The following ADAM12 variants were observed in gnomAD, a reference collection of about 807,000 sequenced individuals.
ADAM12 encodes the protein disintegrin and metalloproteinase domain-containing protein 12.
In ADAM12, 70 loss-of-function variants were observed where a neutral mutation model predicts 106.4. The observed-to-expected ratio is 0.66, with a 90% CI of 0.54 to 0.80. ADAM12 has a LOEUF of 0.80. Ranked by LOEUF, ADAM12 falls within the 30% of genes least tolerant of loss-of-function variation. The pLI, the probability that ADAM12 is intolerant of heterozygous loss-of-function variation, is 0.00. For synonymous variants in ADAM12, 420 were observed against 433.5 expected (o/e 0.97, Z 0.39); for missense variants, 1,010 against 1,171.9 (o/e 0.86, Z 2.02).
In ADAM12 at chr10:126,053,136, G is replaced by A. The variant is rs888907865; in HGVS notation, c.1610-3467C>T. ...TCCTTCTCTCTCTTGCTCCTGCTCC[G>A]GCCGCGTGATGTGCCTGCTTCTCCT... is the stretch of plus-strand genomic sequence containing the variant. On this transcript the variant is annotated intron_variant, in intron 14 of 22. Coordinates refer to ENST00000448723, the MANE Select transcript of ADAM12 (RefSeq NM_001288973.2). This position sits in a 1 kb window ranked among gnomAD's most constrained non-coding sequence, Gnocchi z 4.6. Among the ~76,000 whole-genome samples, 2 of 152,008 alleles carry A rather than the reference G, an allele frequency of 1.3e-5. No individual in the cohort carries two copies. Among genetic ancestry groups the A allele is most frequent in the African/African-American group, 2.4e-5 (1 of 41,370 alleles).
At position 126,046,237 on chromosome 10, in the gene ADAM12, A is replaced by G. The variant is rs958717644; in HGVS notation, c.1918-105T>C. 7 of 1,015,942 alleles carry G rather than the reference A, an allele frequency of 6.9e-6. No homozygotes were observed. The Admixed American group carries it at 9.1e-5, about 13-fold the overall frequency. The allele number at this position is 1,015,942 out of a possible 1,614,324, so 62.9% of individuals were successfully genotyped here. On this transcript the variant is annotated intron_variant, in intron 16 of 22. Coordinates refer to ENST00000448723, the MANE Select transcript of ADAM12 (RefSeq NM_001288973.2). ...AAAAAGCAAGCAAAAGAAAGCTTGG[A>G]GAAGACCCAACCTTGTCTCAGTTAA...
chr10:126,108,309 A>T (rs960672945), intron 8 of ADAM12, among the ~76,000 whole-genome samples: 1 of 152,266 alleles, frequency 6.6e-6, no homozygotes, highest in African/African-American at 2.4e-5. Context: ...TTCTGGAGCT[A>T]ATCGGGAAGT....
intron 3 of ADAM12, among the ~76,000 whole-genome samples, chr10:126,196,702 A>C (rs888176947): frequency 6.6e-6 from 1 of 152,178 alleles, no homozygotes; most frequent in Non-Finnish European, 1.5e-5. Context: ...TCAGAAATAA[A>C]TTTGTGTAGT....
intron 3 of ADAM12, among the ~76,000 whole-genome samples, chr10:126,188,855 C>T (rs974526649): frequency 1.3e-5 from 2 of 152,106 alleles, no homozygotes; most frequent in Non-Finnish European, 2.9e-5. Context: ...ATCCATAATC[C>T]ATTCATCTAT....
In ADAM12 at chr10:126,190,989, C is replaced by CTTTTTTTTTTTTTTTTTTTTTT. The variant is rs1957488604; in HGVS notation, c.261-35685_261-35684insAAAAAAAAAAAAAAAAAAAAAA. On this transcript the variant is annotated intron_variant, in intron 3 of 22. Coordinates refer to ENST00000448723, the MANE Select transcript of ADAM12 (RefSeq NM_001288973.2). ...TTTGAGTTGCCATGAGGAGTTTTGT[C>CTTTTTTTTTTTTTTTTTTTTTT]CTTTTTTTTTTTTTTTTTTTTTTTT... 1.2e-3 allele frequency among the ~76,000 whole-genome samples: 80 copies of CTTTTTTTTTTTTTTTTTTTTTT among 68,710 alleles called. 40 individuals carry two copies. Among genetic ancestry groups the CTTTTTTTTTTTTTTTTTTTTTT allele is most frequent in the Non-Finnish European group, 1.9e-3 (48 of 25,142 alleles). 45.1% of individuals were successfully genotyped at this position (68,710 alleles called of 152,430 possible). A position where few individuals can be genotyped will look rare whatever the true frequency, so the allele number is the denominator to read the frequency against.
chr10:126,328,281 G>A (rs536358329), intron 2 of ADAM12, among the ~76,000 whole-genome samples: 1 of 152,330 alleles, frequency 6.6e-6, no homozygotes, highest in African/African-American at 2.4e-5. Context: ...AACAGAAAGA[G>A]GCAAGGAGTG....
chr10:126,135,797 G>T, intron 4 of ADAM12, 137 bp from the exon 5 acceptor site: 1 of 771,098 alleles, frequency 1.3e-6, no homozygotes, highest in Admixed American at 2.4e-5. Context: ...AATATTTAAT[G>T]CAAAGCCCAA....
At chr10:126,214,114 T>A (rs1379581863) in intron 3 of ADAM12, among the ~76,000 whole-genome samples, 1 of 152,232 alleles carries the variant, frequency 6.6e-6, no homozygotes, top group Non-Finnish European at 1.5e-5. Flanking sequence ...GTTAGATGAA[T>A]GAGGGTTCAT....
rs376893945 is a variant in ADAM12, at chr10:126,223,731, T to G, written c.260+55184A>C. On this transcript the variant is annotated intron_variant, in intron 3 of 22. Coordinates refer to ENST00000448723, the MANE Select transcript of ADAM12 (RefSeq NM_001288973.2). ...CATGCAGGACAGAAGCACTGTGGCA[T>G]GAAAGAAAATTCTCCACGGTCTTTG... 2.6e-5 allele frequency among the ~76,000 whole-genome samples: 4 copies of G among 152,128 alleles called. No homozygotes were observed. The East Asian group carries it at 7.7e-4, about 29-fold the overall frequency.
chr10:126,278,360 G>A (rs969819675), intron 3 of ADAM12, among the ~76,000 whole-genome samples: 2 of 152,048 alleles, frequency 1.3e-5, no homozygotes, highest in Admixed American at 1.3e-4. Context: ...CACACAAAAT[G>A]TATAATAGTA....
At chr10:126,251,885 A>ATGGGATGAATGG (rs1565168728) in intron 3 of ADAM12, among the ~76,000 whole-genome samples, 3 of 69,116 alleles carry the variant, frequency 4.3e-5, no homozygotes, top group South Asian at 5.1e-4. Context: ...GGATGGATGC[A>ATGGGATGAATGG]ATGGATGGAT....
chr10:126,293,906 G>A lies in ADAM12; in HGVS notation c.187-14918C>T, dbSNP rs116965974. Among the ~76,000 whole-genome samples, 508 of 152,210 alleles carry A rather than the reference G, an allele frequency of 3.3e-3. 9 individuals are homozygous for A. The East Asian group carries it at 0.054, about 16-fold the overall frequency. Reference sequence around the variant, plus strand: ...GGTAGAGCTCTTCTCTCCAATCTCTGCTCTTCTAACTATACTGCCACATTT... The same window carrying A: ...GGTAGAGCTCTTCTCTCCAATCTCTACTCTTCTAACTATACTGCCACATTT... On this transcript the variant is annotated intron_variant, in intron 2 of 22. Transcript: ENST00000448723.
intron 20 of ADAM12, 60 bp downstream of exon 20, chr10:126,038,181 G>T: frequency 1.4e-6 from 2 of 1,407,364 alleles, no homozygotes; most frequent in Non-Finnish European, 2.0e-6. Flanking sequence ...ATTCAGTCTC[G>T]TATTGAAAAC....
intron 3 of ADAM12, among the ~76,000 whole-genome samples, chr10:126,256,754 A>G (rs184770325): frequency 3.9e-5 from 6 of 152,312 alleles, no homozygotes; most frequent in Admixed American, 2.6e-4. Context: ...AAAAGAATGG[A>G]GACAGATGAG....
chr10:126,387,012 C>A (rs1259685036), intron 1 of ADAM12, among the ~76,000 whole-genome samples: 1 of 152,126 alleles, frequency 6.6e-6, no homozygotes, highest in Non-Finnish European at 1.5e-5. Flanking sequence ...GCGGTGGGGG[C>A]GGAGGGCAGC....
intron 1 of ADAM12, among the ~76,000 whole-genome samples, chr10:126,355,298 A>G (rs1855499467): frequency 6.6e-6 from 1 of 152,264 alleles, no homozygotes; most frequent in Non-Finnish European, 1.5e-5. Context: ...AATTCTTCTG[A>G]CAGGCCAAAT....
chr10:126,031,210 A>G (rs1953965710), intron 21 of ADAM12, among the ~76,000 whole-genome samples: 2 of 152,178 alleles, frequency 1.3e-5, no homozygotes, highest in Admixed American at 1.3e-4. Flanking sequence ...AGCTCTCATA[A>G]AACTCAGTTT....
At chr10:126,063,266 C>T (rs1461514859) in intron 14 of ADAM12, among the ~76,000 whole-genome samples, 1 of 152,210 alleles carries the variant, frequency 6.6e-6, no homozygotes, top group Non-Finnish European at 1.5e-5. Flanking sequence ...TCCCTCCTTG[C>T]TACCAAGCTG....
rs1391919046 is a variant in ADAM12, at chr10:126,043,818, C to T, written c.1996-670G>A. On this transcript the variant is annotated intron_variant, in intron 17 of 22. Transcript: ENST00000448723. The surrounding 1 kb of genome is among the most constrained non-coding windows in gnomAD (Gnocchi z 4.1). ...GGCTGTTCCCTGGCTCCCAGTCACGCACCAGGGTGCGAATCCAACAGTGGA... is the reference window on the plus strand; with the variant it reads ...GGCTGTTCCCTGGCTCCCAGTCACGTACCAGGGTGCGAATCCAACAGTGGA... Among the ~76,000 whole-genome samples the T allele has an allele frequency of 6.6e-6, 1 of 152,220 alleles. No homozygotes were observed. The highest frequency in any genetic ancestry group is 6.5e-5 in the Admixed American group (1 of 15,284).
Sources: allele counts gnomAD v4.1 joint callset (sites outside exome capture counted in the v4.1 genomes callset), GRCh38; gene constraint gnomAD v4.1.1; non-coding constraint Gnocchi (gnomAD v3.1); transcripts MANE v1.5; gene names NCBI Gene and HGNC (gene_info 2026-07-23, HGNC 2026-07-21).